The following EYA1 variants were observed in gnomAD, a reference collection of about 807,000 sequenced individuals.
EYA1 encodes EYA transcriptional coactivator and phosphatase 1.
Under a neutral mutation model 82.0 loss-of-function variants are expected in EYA1, and 16 were observed. The observed-to-expected ratio is 0.20, with a 90% CI of 0.13 to 0.30. The LOEUF (loss-of-function observed/expected upper bound fraction) is 0.30. EYA1 is among the 10% of genes least tolerant of loss of function. The probability of loss-of-function intolerance (pLI) is 1.00; values close to 1 mark genes in which losing one functional copy is unlikely to be tolerated. For missense variants in EYA1, 633 were observed against 730.7 expected (o/e 0.87, Z 1.54); for synonymous variants, 261 against 264.4 (o/e 0.99, Z 0.12).
intron 2 of EYA1, among the ~76,000 whole-genome samples, chr8:71,393,576 C>A (rs1052528292): frequency 1.3e-5 from 2 of 152,074 alleles, no homozygotes; most frequent in African/African-American, 4.8e-5. Flanking sequence ...ATAGTTTGCT[C>A]AGAATGATGG....
chr8:71,407,903 T>A (rs1019955176), intron 2 of EYA1, among the ~76,000 whole-genome samples: 28 of 149,428 alleles, frequency 1.9e-4, no homozygotes, highest in Admixed American at 3.4e-4. Flanking sequence ...GAAGAGCAAC[T>A]CCAAGACACG....
At chr8:71,398,520 G>T (rs1326048749) in intron 2 of EYA1, among the ~76,000 whole-genome samples, 1 of 152,182 alleles carries the variant, frequency 6.6e-6, no homozygotes, top group African/African-American at 2.4e-5. Flanking sequence ...TAACAGTCAG[G>T]ACCCTCAGCT....
chr8:71,373,917 G>A (rs1473129777), intron 2 of EYA1, among the ~76,000 whole-genome samples: 1 of 152,010 alleles, frequency 6.6e-6, no homozygotes, highest in East Asian at 1.9e-4. Context: ...AATGGTGCTG[G>A]GAAAGCTGGA....
chr8:71,290,002 A>G (rs1818818674), intron 9 of EYA1, among the ~76,000 whole-genome samples: 1 of 152,154 alleles, frequency 6.6e-6, no homozygotes, highest in Non-Finnish European at 1.5e-5. Context: ...AGAATATGAA[A>G]CCAAGGTGCC....
chr8:71,247,142 C>T (rs1485801757), intron 11 of EYA1, among the ~76,000 whole-genome samples: 1 of 152,032 alleles, frequency 6.6e-6, no homozygotes, highest in East Asian at 1.9e-4. Flanking sequence ...TAGCACCTCT[C>T]ACCCCCTTAG....
chr8:71,543,261 T>C (rs1413462659), intron 1 of EYA1, among the ~76,000 whole-genome samples: 1 of 152,192 alleles, frequency 6.6e-6, no homozygotes, highest in African/African-American at 2.4e-5. Context: ...AACTTGTCCA[T>C]GATGGAAAGC....
chr8:71,244,821 A>T, intron 11 of EYA1, 129 bp from the exon 12 acceptor site: 1 of 640,200 alleles, frequency 1.6e-6, no homozygotes. Flanking sequence ...CTTGGGCAAC[A>T]GCTGCTTATT....
At chr8:71,495,138 A>G (rs900372387) in intron 2 of EYA1, among the ~76,000 whole-genome samples, 1 of 152,220 alleles carries the variant, frequency 6.6e-6, no homozygotes, top group Non-Finnish European at 1.5e-5. Context: ...CATATTAAAG[A>G]GATAAATAGT....
intron 16 of EYA1, among the ~76,000 whole-genome samples, chr8:71,214,755 C>T (rs1440507282): frequency 1.3e-5 from 2 of 152,138 alleles, no homozygotes; most frequent in Admixed American, 6.5e-5. Flanking sequence ...CTAAAAAATG[C>T]TCATTTGCAT....
At chr8:71,269,718 A>G (rs750440662) in intron 11 of EYA1, 22 bp downstream of exon 11, 1 of 1,581,916 alleles carries the variant, frequency 6.3e-7, no homozygotes, top group Non-Finnish European at 8.7e-7. Context: ...GAAATTAAAA[A>G]CTGATGCCTC....
At chr8:71,273,690 G>GA (rs1816809591) in intron 9 of EYA1, among the ~76,000 whole-genome samples, 1 of 152,148 alleles carries the variant, frequency 6.6e-6, no homozygotes, top group Non-Finnish European at 1.5e-5. Flanking sequence ...AATATGTTTC[G>GA]ATACCAAGCA....
intron 11 of EYA1, among the ~76,000 whole-genome samples, chr8:71,254,997 T>A (rs778669289): frequency 6.6e-5 from 10 of 152,098 alleles, no homozygotes. Flanking sequence ...CCATTTACAA[T>A]AGCAGAAATG....
In EYA1 at chr8:71,271,979, GAGTTTCAAT is replaced by G. The variant is rs1816600306; in HGVS notation, c.827-91_827-83del. 4 of 1,443,076 alleles carry G rather than the reference GAGTTTCAAT, an allele frequency of 2.8e-6. No homozygotes were observed. The Admixed American group carries it at 6.7e-5, about 24-fold the overall frequency. 89.4% of individuals were successfully genotyped at this position (1,443,076 alleles called of 1,614,324 possible). A position where few individuals can be genotyped will look rare whatever the true frequency, so the allele number is the denominator to read the frequency against. ...TTAGCCTTGTTTTAATTCACAAGGG[GAGTTTCAAT>G]AGTAAAGCACATTTCATTCTGCTGA... On this transcript the variant is annotated intron_variant, in intron 9 of 17. Transcript: ENST00000340726.
Position 71,488,343 on chromosome 8 carries a change from A to G in EYA1, c.33+47401T>C, listed in dbSNP as rs182263300. 3.8e-4 allele frequency among the ~76,000 whole-genome samples: 58 copies of G among 152,246 alleles called. 1 individual carries two copies. The East Asian group carries it at 7.3e-3, about 19-fold the overall frequency. On this transcript the variant is annotated intron_variant, in intron 2 of 18. Transcript: ENST00000643681. ...ATAATATATATCAATGATATAAAGG[A>G]TAAATGATATAAAGGATAAATAAAT...
chr8:71,282,954 T>TTG (rs10652950), intron 9 of EYA1, among the ~76,000 whole-genome samples: 1 of 145,412 alleles, frequency 6.9e-6, no homozygotes, highest in South Asian at 2.3e-4. Flanking sequence ...TTTTTTTTTT[T>TTG]GCCTTGTTGC....
chr8:71,254,053 C>T (rs13439789), intron 11 of EYA1, among the ~76,000 whole-genome samples: 21,337 of 151,878 alleles, frequency 0.14, 1,726 homozygotes, highest in African/African-American at 0.22. Flanking sequence ...ATCTGTGGTT[C>T]ATAAAACTTC....
At chr8:71,447,543 T>A (rs1053121338) in intron 2 of EYA1, among the ~76,000 whole-genome samples, 2 of 152,212 alleles carry the variant, frequency 1.3e-5, no homozygotes, top group Non-Finnish European at 2.9e-5. Context: ...AAAATTTCTA[T>A]CTAATTATAT....
intron 11 of EYA1, among the ~76,000 whole-genome samples, chr8:71,256,645 A>C (rs1814457031): frequency 6.6e-6 from 1 of 152,222 alleles, no homozygotes; most frequent in Non-Finnish European, 1.5e-5. Context: ...ACTTAAAACT[A>C]CTGAACTGTA....
intron 2 of EYA1, among the ~76,000 whole-genome samples, chr8:71,501,494 G>A (rs868321383): frequency 2.6e-5 from 4 of 152,176 alleles, no homozygotes; most frequent in African/African-American, 9.6e-5. Flanking sequence ...ACTACCAAAA[G>A]AAAATTGTAT....
Sources: gnomAD v4.1 joint callset for allele counts (sites outside exome capture counted in the v4.1 genomes callset) on GRCh38, gnomAD v4.1.1 for gene constraint, MANE v1.5 for transcripts, NCBI Gene and HGNC (gene_info 2026-07-23, HGNC 2026-07-21) for gene names.